Variants in EYS observed in about 807,000 individuals in gnomAD.
EYS encodes the protein protein eyes shut homolog.
EYS carries 250 observed loss-of-function variants against 282.1 expected under a neutral mutation model. The ratio of observed to expected loss-of-function variants is 0.89; its 90% CI spans 0.80 to 0.98. EYS has a LOEUF of 0.98. Ranked by LOEUF, EYS falls within the 50% of genes least tolerant of loss-of-function variation. The pLI is 0.00. For missense variants in EYS, 4,016 were observed against 3,709.0 expected (o/e 1.08, Z -2.15); for synonymous variants, 1,355 against 1,282.9 (o/e 1.06, Z -1.20).
At chr6:65,009,879 C>T (rs1014403326) in intron 13 of EYS, among the ~76,000 whole-genome samples, 1 of 152,224 alleles carries the variant, frequency 6.6e-6, no homozygotes, top group Non-Finnish European at 1.5e-5. Context: ...GGCTTATCCT[C>T]ATCCCAAAAC....
intron 5 of EYS, among the ~76,000 whole-genome samples, chr6:65,443,697 C>A (rs1768531228): frequency 8.7e-6 from 1 of 115,290 alleles, no homozygotes; most frequent in Non-Finnish European, 1.9e-5. Context: ...CACATATATA[C>A]ACATATGTGC....
At chr6:65,466,223 G>C (rs1764993987) in intron 5 of EYS, among the ~76,000 whole-genome samples, 1 of 151,960 alleles carries the variant, frequency 6.6e-6, no homozygotes, top group Non-Finnish European at 1.5e-5. Flanking sequence ...AAGGCATTGA[G>C]GTAATGGAAG....
Position 65,144,747 on chromosome 6 carries a change from A to C in EYS, c.2024-87020T>G, listed in dbSNP as rs570025505. Among the ~76,000 whole-genome samples, 34 of 151,402 alleles carry C rather than the reference A, an allele frequency of 2.2e-4. No individual in the cohort carries two copies. The South Asian group carries it at 6.7e-3, about 30-fold the overall frequency. Reference sequence around the variant, plus strand: ...CTCATAATCACAGAAGAACAGAGTTATTTTACCCATTAGTTTACTTACTTT... The same window carrying C: ...CTCATAATCACAGAAGAACAGAGTTCTTTTACCCATTAGTTTACTTACTTT... On this transcript the variant is annotated intron_variant, in intron 12 of 42. Transcript: ENST00000503581.
chr6:64,838,617 T>TACACATACAC (rs142550879), intron 19 of EYS, among the ~76,000 whole-genome samples: 5 of 149,608 alleles, frequency 3.3e-5, no homozygotes, highest in African/African-American at 1.2e-4. Flanking sequence ...TCTGTTTCTC[T>TACACATACAC]ACACACACAC....
chr6:64,203,684 TTGTA>T (rs1180852195), intron 31 of EYS, among the ~76,000 whole-genome samples: 1 of 152,152 alleles, frequency 6.6e-6, no homozygotes, highest in Non-Finnish European at 1.5e-5. Flanking sequence ...AATAAAAAGA[TTGTA>T]TGTTAAAAAT....
At chr6:64,915,619 C>T (rs76389672) in intron 15 of EYS, among the ~76,000 whole-genome samples, 2,537 of 152,228 alleles carry the variant, frequency 0.017, 69 homozygotes, top group African/African-American at 0.059. Context: ...TTTAAGAATA[C>T]ATTTTCTGAC....
intron 2 of EYS, among the ~76,000 whole-genome samples, chr6:65,575,603 A>G (rs1203946949): frequency 1.8e-4 from 27 of 151,914 alleles, no homozygotes; most frequent in Admixed American, 1.8e-3. Context: ...TACAGTAGAA[A>G]TAAATAATAT....
At chr6:64,327,765 A>C (rs999264175) in intron 29 of EYS, among the ~76,000 whole-genome samples, 10 of 152,136 alleles carry the variant, frequency 6.6e-5, no homozygotes, top group Non-Finnish European at 1.0e-4. Flanking sequence ...TACAGGCCCC[A>C]CCTGAAGAGT....
intron 5 of EYS, among the ~76,000 whole-genome samples, chr6:65,450,083 A>G (rs1470517456): frequency 6.6e-6 from 1 of 152,138 alleles, no homozygotes; most frequent in Non-Finnish European, 1.5e-5. Flanking sequence ...TCTAAATTTT[A>G]CACTTATTTT....
At chr6:65,598,229 T>TC (rs572037503) in intron 2 of EYS, among the ~76,000 whole-genome samples, 74 of 27,040 alleles carry the variant, frequency 2.7e-3, no homozygotes, top group South Asian at 0.012. Flanking sequence ...AAGACCCTCC[T>TC]CCCCACCCAC....
At chr6:64,832,626 T>C (rs948434803) in intron 19 of EYS, among the ~76,000 whole-genome samples, 10 of 151,874 alleles carry the variant, frequency 6.6e-5, no homozygotes, top group Non-Finnish European at 1.3e-4. Context: ...AAATAACACA[T>C]ACACACAAAA....
chr6:65,333,761 A>T (rs1413639775), intron 11 of EYS, among the ~76,000 whole-genome samples: 1 of 151,586 alleles, frequency 6.6e-6, no homozygotes, highest in Non-Finnish European at 1.5e-5. Flanking sequence ...ATATGTTTGT[A>T]ATCACTACCT....
intron 19 of EYS, among the ~76,000 whole-genome samples, chr6:64,873,703 A>C (rs189664404): frequency 1.3e-5 from 2 of 151,574 alleles, no homozygotes; most frequent in East Asian, 4.0e-4. Flanking sequence ...TCATTACAAA[A>C]AAAATTATCA....
intron 12 of EYS, among the ~76,000 whole-genome samples, chr6:65,253,889 T>TC (rs145103841): frequency 0.011 from 1,629 of 151,830 alleles, 26 homozygotes; most frequent in African/African-American, 0.037. Context: ...TTCAGGCATT[T>TC]CCCCCAATAC....
In EYS at chr6:65,310,487, G is replaced by GGGTTAGTCTGTTTGACTAACCCT. The variant is rs1041980126; in HGVS notation, c.1767-14391_1767-14369dup. Among the ~76,000 whole-genome samples the GGGTTAGTCTGTTTGACTAACCCT allele has an allele frequency of 1.2e-4, 19 of 152,136 alleles. No individual in the cohort carries two copies. In the East Asian group the frequency reaches 3.1e-3, roughly 25 times the overall value. ...GTTCCCTCCCTCACACACTATGCCA[G>GGGTTAGTCTGTTTGACTAACCCT]GGTTAGTCTGTTTGACTAACCCTGG... On this transcript the variant is annotated intron_variant, in intron 11 of 42. Coordinates refer to ENST00000503581, the MANE Select transcript of EYS (RefSeq NM_001142800.2).
intron 12 of EYS, among the ~76,000 whole-genome samples, chr6:65,289,182 A>T (rs1309766439): frequency 6.6e-6 from 1 of 150,990 alleles, no homozygotes; most frequent in Non-Finnish European, 1.5e-5. Context: ...TATTTTATAC[A>T]AATATGGATT....
chr6:64,677,473 A>G (rs1435019898), intron 22 of EYS, among the ~76,000 whole-genome samples: 1 of 152,220 alleles, frequency 6.6e-6, no homozygotes, highest in Non-Finnish European at 1.5e-5. Flanking sequence ...ACTTTCGGTA[A>G]GCATCTTTCA....
intron 19 of EYS, among the ~76,000 whole-genome samples, chr6:64,838,581 T>C (rs1765459130): frequency 6.6e-6 from 1 of 150,832 alleles, no homozygotes; most frequent in South Asian, 2.1e-4. Context: ...ACAATATGGC[T>C]ATAATATAGT....
In EYS at chr6:64,426,032, T is replaced by G. The variant is rs1215795708; in HGVS notation, c.5927+10142A>C. Among the ~76,000 whole-genome samples, 3 of 151,472 alleles carry G rather than the reference T, an allele frequency of 2.0e-5. No homozygotes were observed. In the East Asian group the frequency reaches 5.9e-4, roughly 30 times the overall value. ...GATGAGTCTAGAATTCATAAGAAAG[T>G]TCTATGCTGGAACAGGCATAAAAAG... On this transcript the variant is annotated intron_variant, in intron 28 of 42. Transcript: ENST00000503581.
Sources: allele counts gnomAD v4.1 joint callset (sites outside exome capture counted in the v4.1 genomes callset), GRCh38; gene constraint gnomAD v4.1.1; transcripts MANE v1.5; gene names NCBI Gene and HGNC (gene_info 2026-07-23, HGNC 2026-07-21).